Variants in LCP1 observed in about 807,000 individuals in gnomAD.
LCP1 encodes plastin-2.
Under a neutral mutation model 72.0 loss-of-function variants are expected in LCP1, and 23 were observed. The observed-to-expected ratio is 0.32, with a 90% CI of 0.23 to 0.45. The LOEUF (loss-of-function observed/expected upper bound fraction) is 0.45. LCP1 is among the 20% of genes least tolerant of loss of function. The probability of loss-of-function intolerance (pLI) is 1.00; values close to 1 mark genes in which losing one functional copy is unlikely to be tolerated. For missense variants in LCP1, 571 were observed against 748.3 expected, an observed-to-expected ratio of 0.76 and a Z score of 2.76; for synonymous variants, 245 against 275.4, an observed-to-expected ratio of 0.89 and a Z score of 1.09.
chr13:46,168,814 A>G, intron 1 of LCP1, among the ~76,000 whole-genome samples: 1 of 152,240 alleles, frequency 6.6e-6, no homozygotes, highest in Non-Finnish European at 1.5e-5. Context: ...CTCTTGGGCT[A>G]TTCTCAGAGG....
intron 13 of LCP1, among the ~76,000 whole-genome samples, chr13:46,141,066 A>G (rs973417932): frequency 1.3e-5 from 2 of 152,186 alleles, no homozygotes; most frequent in Admixed American, 6.5e-5. Context: ...ATTTGATGGA[A>G]AGTATAAACC....
chr13:46,172,215 G>T (rs931500423), intron 1 of LCP1, among the ~76,000 whole-genome samples: 2 of 152,228 alleles, frequency 1.3e-5, no homozygotes, highest in Admixed American at 6.5e-5. Context: ...GAGGCATGGT[G>T]GCTCACGCCT....
chr13:46,159,481 T>C, intron 2 of LCP1, 118 bp downstream of exon 2: 2 of 779,052 alleles, frequency 2.6e-6, no homozygotes, highest in South Asian at 3.2e-5. Context: ...TCTAAACAAA[T>C]ACTACTGGTT....
At chr13:46,156,362 C>T (rs577057385) in intron 5 of LCP1, 76 bp downstream of exon 5, 49 of 1,566,328 alleles carry the variant, frequency 3.1e-5, no homozygotes, top group Admixed American at 7.0e-5. Context: ...AGTTGGCCTA[C>T]GATAAATAAC....
At chr13:46,144,568 C>T (rs1017041711) in intron 10 of LCP1, 48 bp from the exon 11 acceptor site, 4 of 1,361,476 alleles carry the variant, frequency 2.9e-6, no homozygotes, top group Non-Finnish European at 4.2e-6. Flanking sequence ...GAAAACATAG[C>T]TTTTTTATGA....
chr13:46,181,132 T>C (rs1211332427), intron 1 of LCP1, among the ~76,000 whole-genome samples: 1 of 152,244 alleles, frequency 6.6e-6, no homozygotes, highest in Non-Finnish European at 1.5e-5. Flanking sequence ...CTGATAGTTC[T>C]GACAGAGTAA....
Position 46,127,589 on chromosome 13 carries a change from C to A in LCP1, c.*2G>T. 1 of 1,614,124 alleles carries A rather than the reference C, an allele frequency of 6.2e-7. No homozygotes were observed. Among genetic ancestry groups the A allele is most frequent in the Non-Finnish European group, 8.5e-7 (1 of 1,179,996 alleles). ...CCGCCTCCCACCCAGCCCCATTGGG[C>A]CTCACACCCTCTTCATTCCTTTCCC... On this transcript the variant is annotated 3_prime_UTR_variant, in exon 16 of 16. Transcript: ENST00000323076.
intron 1 of LCP1, among the ~76,000 whole-genome samples, chr13:46,172,120 G>A (rs538553907): frequency 6.6e-6 from 1 of 152,234 alleles, no homozygotes; most frequent in Non-Finnish European, 1.5e-5. Context: ...GTTGCCCACT[G>A]AGCTAAGTCT....
intron 1 of LCP1, among the ~76,000 whole-genome samples, chr13:46,165,247 GCCTGTGATCC>G (rs2045869671): frequency 6.6e-6 from 1 of 151,994 alleles, no homozygotes; most frequent in South Asian, 2.1e-4. Context: ...GGTGGTGCAT[GCCTGTGATCC>G]CAGCTACTCG....
intron 1 of LCP1, among the ~76,000 whole-genome samples, chr13:46,181,480 T>C (rs542584578): frequency 6.6e-5 from 10 of 152,350 alleles, no homozygotes; most frequent in African/African-American, 2.2e-4. Context: ...TTAAGCATTA[T>C]ACAAATTGCT....
chr13:46,130,763 T>C, intron 15 of LCP1, 51 bp downstream of exon 15: 1 of 1,607,640 alleles, frequency 6.2e-7, no homozygotes, highest in Non-Finnish European at 8.5e-7. Flanking sequence ...ACCATCCAGC[T>C]GCCAGTTGGG....
intron 13 of LCP1, among the ~76,000 whole-genome samples, chr13:46,140,276 A>G (rs1046600275): frequency 1.3e-5 from 2 of 152,200 alleles, no homozygotes; most frequent in Non-Finnish European, 2.9e-5. Flanking sequence ...CACATGTGTG[A>G]GGAAACTACT....
At chr13:46,152,458 A>G (rs1054220781) in intron 7 of LCP1, among the ~76,000 whole-genome samples, 1 of 152,220 alleles carries the variant, frequency 6.6e-6, no homozygotes, top group Admixed American at 6.5e-5. Context: ...GTGCAAGTTA[A>G]AAGTCCTCTT....
Position 46,143,371 on chromosome 13 carries a change from G to C in LCP1, c.1287C>G (p.Leu429=), listed in dbSNP as rs141548355. The C allele has an allele frequency of 2.0e-5, 33 of 1,613,822 alleles. No individual in the cohort carries two copies. The highest frequency in any genetic ancestry group is 2.7e-5 in the Non-Finnish European group (32 of 1,179,882). ...CAACAGGAACTTTGATCTTTTCATA[G>C]AGCTGGAAGATGACCAGGGCATCTG... ...DLSDALVIFQ[L]YEKIKVPVDW... The change falls in exon 12 of 16, where the codon CTC becomes CTG. Residue 429 remains leucine, a synonymous_variant. Transcript: ENST00000323076.
At chr13:46,158,007 G>A (rs1593956853) in intron 4 of LCP1, among the ~76,000 whole-genome samples, 2 of 152,092 alleles carry the variant, frequency 1.3e-5, no homozygotes, top group African/African-American at 4.8e-5. Context: ...GATTACACGC[G>A]TGAGCCACTG....
At chr13:46,172,534 A>G (rs1232998158) in intron 1 of LCP1, among the ~76,000 whole-genome samples, 1 of 152,140 alleles carries the variant, frequency 6.6e-6, no homozygotes, top group African/African-American at 2.4e-5. Flanking sequence ...TAGCTCTACA[A>G]AGTGCAAAGC....
At chr13:46,149,658 G>C (rs1735124367) in intron 8 of LCP1, among the ~76,000 whole-genome samples, 1 of 152,178 alleles carries the variant, frequency 6.6e-6, no homozygotes, top group African/African-American at 2.4e-5. Flanking sequence ...GGCTGCCAGA[G>C]AACAGGCACA....
At chr13:46,127,941 A>G (rs1009035158) in intron 15 of LCP1, among the ~76,000 whole-genome samples, 4 of 151,852 alleles carry the variant, frequency 2.6e-5, no homozygotes, top group African/African-American at 9.7e-5. Context: ...TCTCGTGATC[A>G]TTATCAAGTG....
intron 4 of LCP1, among the ~76,000 whole-genome samples, chr13:46,158,188 A>T (rs978531664): frequency 6.6e-6 from 1 of 152,212 alleles, no homozygotes; most frequent in Non-Finnish European, 1.5e-5. Flanking sequence ...TGAAAACATA[A>T]TTTTTTGATC....
Sources: allele counts gnomAD v4.1 joint callset (sites outside exome capture counted in the v4.1 genomes callset), GRCh38; gene constraint gnomAD v4.1.1; transcripts MANE v1.5; gene names NCBI Gene and HGNC (gene_info 2026-07-23, HGNC 2026-07-21).